Variants in CCDC175 observed in about 807,000 individuals in gnomAD.
The protein encoded by CCDC175 is coiled-coil domain containing 175, also known as coiled-coil domain-containing protein 175.
In CCDC175, 100 loss-of-function variants were observed where a neutral mutation model predicts 114.6. The observed-to-expected ratio is 0.87, with a 90% CI of 0.74 to 1.03. The LOEUF (loss-of-function observed/expected upper bound fraction) is 1.03. CCDC175 is among the 50% of genes least tolerant of loss of function. The pLI, the probability that CCDC175 is intolerant of heterozygous loss-of-function variation, is 0.00. For missense variants in CCDC175, 880 were observed against 917.8 expected, an observed-to-expected ratio of 0.96 and a Z score of 0.53; for synonymous variants, 306 against 308.7, an observed-to-expected ratio of 0.99 and a Z score of 0.09.
intron 15 of CCDC175, among the ~76,000 whole-genome samples, chr14:59,526,025 C>CA (rs1048538934): frequency 1.3e-5 from 2 of 151,940 alleles, no homozygotes; most frequent in South Asian, 4.1e-4. Flanking sequence ...AATTGTCCAG[C>CA]AAAAATAGAG....
At chr14:59,534,407 T>G (rs142311424) in intron 13 of CCDC175, among the ~76,000 whole-genome samples, 2 of 152,216 alleles carry the variant, frequency 1.3e-5, no homozygotes, top group Non-Finnish European at 2.9e-5. Flanking sequence ...CAATGCAGAT[T>G]CCAGTCCACC....
Position 59,551,336 on chromosome 14 carries a change from A to T in CCDC175, c.1035+19T>A. 1 of 1,128,078 alleles carries T rather than the reference A, an allele frequency of 8.9e-7. No individual in the cohort carries two copies. Among genetic ancestry groups the T allele is most frequent in the South Asian group, 1.7e-5 (1 of 59,518 alleles). 69.9% of individuals were successfully genotyped at this position (1,128,078 alleles called of 1,614,324 possible). ...GAAATGTAATTATAATGTAAAAGTC[A>T]TGACTTCTGCCTTCTTACCTGTTTT... On this transcript the variant is annotated intron_variant, in intron 8 of 19. Coordinates refer to ENST00000537690, the MANE Select transcript of CCDC175 (RefSeq NM_001164399.2).
intron 17 of CCDC175, among the ~76,000 whole-genome samples, chr14:59,512,331 T>C (rs1892801259): frequency 2.6e-5 from 4 of 152,240 alleles, no homozygotes; most frequent in African/African-American, 7.2e-5. Context: ...TCTGAGCAGC[T>C]GAGGCCAGTC....
intron 9 of CCDC175, among the ~76,000 whole-genome samples, chr14:59,544,888 G>T (rs939860987): frequency 4.6e-5 from 7 of 152,102 alleles, no homozygotes; most frequent in Non-Finnish European, 1.0e-4. Flanking sequence ...AAAGCGGCTG[G>T]GTGGCTGTAA....
At chr14:59,528,659 C>T (rs148532794) in intron 14 of CCDC175, among the ~76,000 whole-genome samples, 3 of 151,998 alleles carry the variant, frequency 2.0e-5, no homozygotes, top group Non-Finnish European at 4.4e-5. Context: ...ATAATGTAAG[C>T]ATTATTCACT....
At chr14:59,529,226 T>C (rs866418977) in intron 14 of CCDC175, among the ~76,000 whole-genome samples, 3 of 152,180 alleles carry the variant, frequency 2.0e-5, no homozygotes, top group Non-Finnish European at 4.4e-5. Flanking sequence ...ATGGAAGAGT[T>C]CACAACACCA....
rs1219724956 is a variant in CCDC175, at chr14:59,565,280, G to A, written c.492-5C>T. On this transcript the variant is annotated splice_region_variant and splice_polypyrimidine_tract_variant and intron_variant, in intron 4 of 19. Coordinates refer to ENST00000537690, the MANE Select transcript of CCDC175 (RefSeq NM_001164399.2). ...GCTAGCTCTTCCTGCTTCTCCCTGGGAGGAAAGAATTGCTCACAGAGTGAG... is the reference window on the plus strand; with the variant it reads ...GCTAGCTCTTCCTGCTTCTCCCTGGAAGGAAAGAATTGCTCACAGAGTGAG... 6.5e-7 allele frequency: 1 copy of A among 1,534,090 alleles called. No individual in the cohort carries two copies.
In CCDC175 at chr14:59,525,316, T is replaced by G. The variant is rs755728050; in HGVS notation, c.1961A>C (p.Asp654Ala). 4.7e-5 allele frequency: 69 copies of G among 1,462,624 alleles called. No individual in the cohort carries two copies. The highest frequency in any genetic ancestry group is 5.9e-5 in the Non-Finnish European group (66 of 1,118,156). The allele number at this position is 1,462,624 out of a possible 1,614,324, so 90.6% of individuals were successfully genotyped here. A position where few individuals can be genotyped will look rare whatever the true frequency, so the allele number is the denominator to read the frequency against. ...NGFYINDQKA[D>A]LLLLENKKLK... ...TTTTTTATTTTCCAGGAGCAGAAGA[T>G]CTGCTTTTTGGTCATTTATATAGAA... Residue 654 changes from aspartate (D) to alanine (A), a missense_variant, in exon 16 of 20, where the codon GAT becomes GCT. By Grantham distance (126) the Asp-to-Ala change is moderately radical. Transcript: ENST00000537690.
intron 9 of CCDC175, 88 bp from the exon 10 acceptor site, chr14:59,543,542 G>T: frequency 2.2e-6 from 1 of 457,302 alleles, no homozygotes; most frequent in Non-Finnish European, 3.7e-6. Context: ...TGAAAGTTCA[G>T]ATCATGAGCT....
In CCDC175 at chr14:59,556,325, A is replaced by G. The variant is rs555250212; in HGVS notation, c.953+4794T>C. On this transcript the variant is annotated intron_variant, in intron 7 of 19. Transcript: ENST00000537690. ...AATACTACACATCTACAACCATCTA[A>G]TCTTTGACAAACCTGACAAAAAGAG... 3.3e-5 allele frequency among the ~76,000 whole-genome samples: 5 copies of G among 152,342 alleles called. 1 individual carries two copies. The highest frequency in any genetic ancestry group is 9.6e-5 in the African/African-American group (4 of 41,576).
Position 59,561,072 on chromosome 14 carries a change from T to G in CCDC175, c.953+47A>C, listed in dbSNP as rs537200629. The G allele has an allele frequency of 8.1e-4, 760 of 943,144 alleles. No individual in the cohort carries two copies. In the African/African-American group the frequency reaches 0.011, roughly 13 times the overall value. 58.4% of individuals were successfully genotyped at this position (943,144 alleles called of 1,614,324 possible). A position where few individuals can be genotyped will look rare whatever the true frequency, so the allele number is the denominator to read the frequency against. On this transcript the variant is annotated intron_variant, in intron 7 of 19. Transcript: ENST00000537690. ...AGCATATTAACTATATTATATCATA[T>G]TAACATATCTCGAAACATTTAAGTA...
intron 16 of CCDC175, among the ~76,000 whole-genome samples, chr14:59,521,907 G>A (rs1207805858): frequency 5.3e-5 from 8 of 152,152 alleles, no homozygotes; most frequent in Admixed American, 5.2e-4. Context: ...AAATAAACAT[G>A]GCATTCTGAG....
At chr14:59,531,353 GAA>G (rs5809037) in intron 14 of CCDC175, among the ~76,000 whole-genome samples, 156 of 149,928 alleles carry the variant, frequency 1.0e-3, no homozygotes, top group African/African-American at 3.8e-3. Context: ...GGAAGTTAGT[GAA>G]AAAAAAAATC....
chr14:59,558,087 C>A (rs1265267556), intron 7 of CCDC175, among the ~76,000 whole-genome samples: 1 of 152,062 alleles, frequency 6.6e-6, no homozygotes, highest in African/African-American at 2.4e-5. Context: ...TAAGACAGAG[C>A]CAGCAACATG....
intron 7 of CCDC175, among the ~76,000 whole-genome samples, chr14:59,552,932 A>G (rs896870165): frequency 6.6e-6 from 1 of 152,230 alleles, no homozygotes; most frequent in Non-Finnish European, 1.5e-5. Flanking sequence ...GTAAAAAGAA[A>G]TGAACAAAGC....
At chr14:59,515,975 A>C (rs1435048341) in intron 17 of CCDC175, among the ~76,000 whole-genome samples, 3 of 152,142 alleles carry the variant, frequency 2.0e-5, no homozygotes, top group East Asian at 3.8e-4. Context: ...GTCTCTCAGA[A>C]CACAGTGCAA....
intron 8 of CCDC175, among the ~76,000 whole-genome samples, chr14:59,549,165 A>G (rs879284415): frequency 6.6e-6 from 1 of 152,232 alleles, no homozygotes; most frequent in Non-Finnish European, 1.5e-5. Flanking sequence ...TGGGCAAAAC[A>G]AAGATAGAGG....
In CCDC175 at chr14:59,527,673, A is replaced by G. The variant is rs549990352; in HGVS notation, c.1763-499T>C. Among the ~76,000 whole-genome samples the G allele has an allele frequency of 5.9e-5, 9 of 152,122 alleles. No individual in the cohort carries two copies. In the South Asian group the frequency reaches 1.9e-3, roughly 32 times the overall value. On this transcript the variant is annotated intron_variant, in intron 14 of 19. Coordinates refer to ENST00000537690, the MANE Select transcript of CCDC175 (RefSeq NM_001164399.2). ...TGGAGTTAAAGATTGCTTTGTTTAA[A>G]AAATTGCTCAGTGTTTCATGTACAT...
intron 6 of CCDC175, among the ~76,000 whole-genome samples, chr14:59,563,332 T>G (rs1896330562): frequency 6.6e-6 from 1 of 152,210 alleles, no homozygotes; most frequent in Non-Finnish European, 1.5e-5. Context: ...AATGTTGCTG[T>G]ACTCAATAGA....
Sources: allele counts gnomAD v4.1 joint callset (sites outside exome capture counted in the v4.1 genomes callset), GRCh38; gene constraint gnomAD v4.1.1; transcripts MANE v1.5; gene names NCBI Gene and HGNC (gene_info 2026-07-23, HGNC 2026-07-21).